SS18L2: variants seen among roughly 807,000 people sequenced by gnomAD.
SS18L2 encodes the protein SS18 like 2.
Under a neutral mutation model 10.3 loss-of-function variants are expected in SS18L2, and 8 were observed. The observed-to-expected ratio is 0.78, with a 90% CI of 0.46 to 1.41. SS18L2 has a LOEUF of 1.41. Among genes scored for constraint, SS18L2 ranks in the 40% most tolerant of loss-of-function variants. SS18L2 has a pLI of 0.00. For synonymous variants in SS18L2, 41 were observed against 34.6 expected, an observed-to-expected ratio of 1.19 and a Z score of -0.65; for missense variants, 100 against 96.2, an observed-to-expected ratio of 1.04 and a Z score of -0.17.
chr3:42,582,791 A>G (rs1339289014), intron 1 of SS18L2, among the ~76,000 whole-genome samples: 1 of 152,200 alleles, frequency 6.6e-6, no homozygotes, highest in African/African-American at 2.4e-5. Context: ...TTTCAGATGG[A>G]GAGATTAGCA....
chr3:42,591,325 A>G, intron 1 of SS18L2, 200 bp from the exon 2 acceptor site: 2 of 594,068 alleles, frequency 3.4e-6, no homozygotes, highest in African/African-American at 3.8e-5. Context: ...CAGCCTCCTG[A>G]GTAGCTGGGA....
upstream of SS18L2, among the ~76,000 whole-genome samples, chr3:42,589,468 C>G (rs1462545888): frequency 6.6e-6 from 1 of 152,112 alleles, no homozygotes; most frequent in African/African-American, 2.4e-5. Context: ...GTGGCCGCTG[C>G]TCACTCCAGG....
At chr3:42,589,098 A>G (rs2125738326), upstream of SS18L2, among the ~76,000 whole-genome samples, 1 of 150,280 alleles carries the variant, frequency 6.7e-6, no homozygotes, top group South Asian at 2.1e-4. Flanking sequence ...CCCCATGTCT[A>G]CTAAAGATAC....
At chr3:42,592,229 C>T (rs1002647942) in intron 2 of SS18L2, among the ~76,000 whole-genome samples, 3 of 150,968 alleles carry the variant, frequency 2.0e-5, no homozygotes, top group Admixed American at 6.6e-5. Context: ...TTGAGACAGT[C>T]TCCCTCTGTC....
At chr3:42,582,452 C>CA (rs912805878) in intron 1 of SS18L2, 1 of 152,364 alleles carries the variant, frequency 6.6e-6, no homozygotes, top group African/African-American at 2.4e-5. Flanking sequence ...CAGGGGGACA[C>CA]ACCCCAAGCT....
In SS18L2 at chr3:42,596,012, G is replaced by T. The variant is rs555291328; in HGVS notation, c.*1503G>T. ...TTTTTTCTTTTTCTTCTTTTTTTTG[G>T]TTTTGTTTTGTTTTGTTTTTGTTTT... is the stretch of plus-strand genomic sequence containing the variant. On this transcript the variant is annotated 3_prime_UTR_variant, in exon 3 of 3. Transcript: ENST00000011691. 6.6e-6 allele frequency among the ~76,000 whole-genome samples: 1 copy of T among 151,564 alleles called. No homozygotes were observed. Among genetic ancestry groups the T allele is most frequent in the Admixed American group, 6.6e-5 (1 of 15,224 alleles).
Position 42,591,457 on chromosome 3 carries a change from G to C in SS18L2, c.70-68G>C, listed in dbSNP as rs151062441. ...ATCCGCCTAGATCGGCCTCCCAAAG[G>C]GCCGGGGTTACAGGCGTGAGCCACT... On this transcript the variant is annotated intron_variant, in intron 1 of 2. Transcript: ENST00000011691. 4.2e-4 allele frequency: 507 copies of C among 1,201,662 alleles called. No individual in the cohort carries two copies. The African/African-American group carries it at 6.8e-3, about 16-fold the overall frequency. The allele number at this position is 1,201,662 out of a possible 1,614,324, so 74.4% of individuals were successfully genotyped here. A position where few individuals can be genotyped will look rare whatever the true frequency, so the allele number is the denominator to read the frequency against.
In SS18L2 at chr3:42,595,991, TTC is replaced by T. The variant is rs1486822832; in HGVS notation, c.*1484_*1485del. ...GCTGAGGGCTCTGGCTCTTTCTTTT[TTC>T]TTTTTCTTCTTTTTTTTGGTTTTGT... On this transcript the variant is annotated 3_prime_UTR_variant, in exon 3 of 3. Transcript: ENST00000011691. Among the ~76,000 whole-genome samples, 9 of 152,258 alleles carry T rather than the reference TTC, an allele frequency of 5.9e-5. No homozygotes were observed. Among genetic ancestry groups the T allele is most frequent in the African/African-American group, 2.2e-4 (9 of 41,558 alleles).
upstream of SS18L2, among the ~76,000 whole-genome samples, chr3:42,590,225 A>C (rs1004311085): frequency 2.0e-5 from 3 of 152,206 alleles, no homozygotes; most frequent in African/African-American, 7.2e-5. Flanking sequence ...CTGGCAGGAG[A>C]CAATGCCATA....
intron 1 of SS18L2, among the ~76,000 whole-genome samples, chr3:42,585,084 G>A (rs1704568146): frequency 2.0e-5 from 3 of 152,198 alleles, no homozygotes; most frequent in Middle Eastern, 6.8e-3. Flanking sequence ...AGCCGAGATC[G>A]CACCATTGCA....
chr3:42,590,109 C>G (rs941644147), upstream of SS18L2, among the ~76,000 whole-genome samples: 6 of 152,068 alleles, frequency 3.9e-5, no homozygotes, highest in Non-Finnish European at 8.8e-5. Flanking sequence ...ACCTAATAAG[C>G]ATTATTCCTG....
At chr3:42,594,122 A>C (rs975145280) in intron 2 of SS18L2, among the ~76,000 whole-genome samples, 3 of 152,256 alleles carry the variant, frequency 2.0e-5, no homozygotes, top group Admixed American at 6.5e-5. Flanking sequence ...TAAATTGTAC[A>C]GTAATCTCTC....
At chr3:42,582,526 G>C (rs1704452523) in intron 1 of SS18L2, among the ~76,000 whole-genome samples, 1 of 152,264 alleles carries the variant, frequency 6.6e-6, no homozygotes, top group African/African-American at 2.4e-5. Context: ...AGCAGAGTCC[G>C]TCCATTTATT....
Position 42,591,617 on chromosome 3 carries a change from C to T in SS18L2, c.146+16C>T. 6.3e-7 allele frequency: 1 copy of T among 1,593,974 alleles called. No individual in the cohort carries two copies. On this transcript the variant is annotated intron_variant, in intron 2 of 2. Coordinates refer to ENST00000011691, the MANE Select transcript of SS18L2 (RefSeq NM_001370300.1). ...AGTGCGTGCAGTAAGTACCCCCACC[C>T]CCGCGCCCCTGACCTGTGGGTAGAG...
intron 1 of SS18L2, among the ~76,000 whole-genome samples, chr3:42,584,063 G>A (rs1704528163): frequency 6.6e-6 from 1 of 152,096 alleles, no homozygotes; most frequent in Non-Finnish European, 1.5e-5. Context: ...TCTATTGTGG[G>A]ACTTCTCAGC....
chr3:42,590,131 T>TCCTGC (rs1704768290), upstream of SS18L2, among the ~76,000 whole-genome samples: 1 of 152,160 alleles, frequency 6.6e-6, no homozygotes, highest in Non-Finnish European at 1.5e-5. Context: ...CCCAAATAAG[T>TCCTGC]CCAGGCTATG....
chr3:42,590,746 C>T, upstream of SS18L2: 1 of 817,992 alleles, frequency 1.2e-6, no homozygotes, highest in Non-Finnish European at 2.1e-6. Context: ...CCGAGGAAAG[C>T]GCTGAGTATA....
At chr3:42,588,324 G>A (rs576993928), upstream of SS18L2, among the ~76,000 whole-genome samples, 1 of 152,134 alleles carries the variant, frequency 6.6e-6, no homozygotes, top group Admixed American at 6.5e-5. Flanking sequence ...AGAATTGCTT[G>A]AACCTGGGAG....
At chr3:42,584,606 G>A (rs1206130545) in intron 1 of SS18L2, among the ~76,000 whole-genome samples, 1 of 152,118 alleles carries the variant, frequency 6.6e-6, no homozygotes, top group African/African-American at 2.4e-5. Flanking sequence ...ATCGAAGTGG[G>A]GCTTACATAG....
Sources: gnomAD v4.1 joint callset for allele counts (sites outside exome capture counted in the v4.1 genomes callset) on GRCh38, gnomAD v4.1.1 for gene constraint, MANE v1.5 for transcripts, NCBI Gene and HGNC (gene_info 2026-07-23, HGNC 2026-07-21) for gene names.